The following TLR8 variants were observed in gnomAD, a reference collection of about 807,000 sequenced individuals.
TLR8 encodes the protein toll-like receptor 8.
In TLR8, 5 loss-of-function variants were observed where a neutral mutation model predicts 18.5. The ratio of observed to expected loss-of-function variants is 0.27; its 90% CI spans 0.14 to 0.57. The LOEUF is 0.57. Among genes scored for constraint, TLR8 ranks in the 20% least tolerant of loss-of-function variants. The pLI, the probability that TLR8 is intolerant of heterozygous loss-of-function variation, is 0.92. For missense variants in TLR8, 543 were observed against 769.8 expected, an observed-to-expected ratio of 0.71 and a Z score of 3.49; for synonymous variants, 299 against 300.1, an observed-to-expected ratio of 1.00 and a Z score of 0.04.
intron 1 of TLR8, among the ~76,000 whole-genome samples, chrX:12,910,829 T>C (rs2043016200): frequency 8.9e-6 from 1 of 112,488 alleles, no homozygotes; most frequent in African/African-American, 3.2e-5. Context: ...GCAGGTCATG[T>C]ACTGTGGACC....
Position 12,919,688 on chromosome X carries a change from G to A in TLR8, c.648G>A (p.Val216=). The change falls in exon 2 of 2, where the codon GTG becomes GTA. Residue 216 remains valine, a synonymous_variant. Coordinates refer to ENST00000218032, the MANE Select transcript of TLR8 (RefSeq NM_138636.5). The part of the protein sequence containing the change: ...LSLSFNSLSH[V]PPKLPSSLRK... Reference sequence around the variant, plus strand: ...TATCTTTCAATTCTCTTTCACACGTGCCACCCAAACTGCCAAGCTCCCTAC... The same window carrying A: ...TATCTTTCAATTCTCTTTCACACGTACCACCCAAACTGCCAAGCTCCCTAC... The A allele has an allele frequency of 8.3e-7, 1 of 1,210,748 alleles. No individual in the cohort carries two copies. Among genetic ancestry groups the A allele is most frequent in the Non-Finnish European group, 1.1e-6 (1 of 895,048 alleles).
rs759806873 is a variant in TLR8 at position 12,919,535 on chromosome X, C to T, written c.495C>T (p.Gly165=). 8.3e-7 allele frequency: 1 copy of T among 1,202,279 alleles called. No homozygotes were observed. The highest frequency in any genetic ancestry group is 3.0e-5 in the East Asian group (1 of 33,754). Residue 165 remains glycine (G), a synonymous_variant, in exon 2 of 2, where the codon GGC becomes GGT. Coordinates refer to ENST00000218032, the MANE Select transcript of TLR8 (RefSeq NM_138636.5). ...ATATATACAACATAACTAAAGAGGG[C>T]ATTTCAAGACTTATAAACTTGAAAA... ...QNNIYNITKE[G]ISRLINLKNL... is the part of the protein sequence containing the mutation.
intron 1 of TLR8, among the ~76,000 whole-genome samples, chrX:12,912,569 C>T (rs5744051): frequency 0.029 from 3,319 of 113,527 alleles, 108 homozygotes; most frequent in African/African-American, 0.1. Flanking sequence ...GGAGCAATGA[C>T]AGTCTCCCCA....
At chrX:12,908,312 G>A (rs1410155737) in intron 1 of TLR8, 3 of 110,212 alleles carry the variant, frequency 2.7e-5, no homozygotes, top group African/African-American at 9.9e-5. Flanking sequence ...TTGTACTCCA[G>A]CCTGGGCAAC....
At chrX:12,915,241 C>T (rs5744057) in intron 1 of TLR8, among the ~76,000 whole-genome samples, 19,561 of 110,962 alleles carry the variant, frequency 0.18, 1,287 homozygotes, top group Admixed American at 0.24. Flanking sequence ...TGGCTCACTG[C>T]AGCCTCCACC....
intron 1 of TLR8, among the ~76,000 whole-genome samples, chrX:12,910,889 T>C (rs954489046): frequency 8.9e-6 from 1 of 111,825 alleles, no homozygotes; most frequent in African/African-American, 3.3e-5. Context: ...GTTGTGAAAT[T>C]GCTTCCTCAT....
chrX:12,920,230 C>A lies in TLR8; in HGVS notation c.1190C>A (p.Ser397Ter). ...CCCCTGATGCAGCTTCCAAACTTAT[C>A]GACTATCAACTTGGGTATTAATTTT... The part of the protein sequence containing the change: ...FQPLMQLPNL[S>*]TINLGINFIK... The change falls in exon 2 of 2, where the codon TCG (serine) becomes TAG (stop). Residue 397 changes from serine (S) to a stop codon, truncating the protein, a stop_gained. Transcript: ENST00000218032. LOFTEE classifies it low-confidence loss of function (END_TRUNC). The A allele has an allele frequency of 1.7e-6, 2 of 1,206,484 alleles. No homozygotes were observed. Among genetic ancestry groups the A allele is most frequent in the Non-Finnish European group, 2.2e-6 (2 of 893,132 alleles).
At chrX:12,912,247 G>T (rs1330729396) in intron 1 of TLR8, among the ~76,000 whole-genome samples, 1 of 112,729 alleles carries the variant, frequency 8.9e-6, no homozygotes, top group Admixed American at 9.4e-5. Context: ...TGTAATGAGG[G>T]TGACTTCTCA....
intron 1 of TLR8, among the ~76,000 whole-genome samples, chrX:12,914,404 TG>T (rs1259342509): frequency 2.7e-5 from 3 of 111,819 alleles, no homozygotes; most frequent in Non-Finnish European, 5.6e-5. Flanking sequence ...TTCATTCCTC[TG>T]TCAGAACTCT....
chrX:12,913,292 A>G (rs775025279), intron 1 of TLR8, among the ~76,000 whole-genome samples: 2 of 111,691 alleles, frequency 1.8e-5, no homozygotes, highest in East Asian at 5.6e-4. Context: ...GCTCGATCTA[A>G]TCATAACAAA....
intron 1 of TLR8, among the ~76,000 whole-genome samples, chrX:12,910,769 CT>C (rs1319384084): frequency 8.9e-6 from 1 of 111,999 alleles, no homozygotes; most frequent in Non-Finnish European, 1.9e-5. Context: ...CTGAGAGAGG[CT>C]GTTGTTGTTG....
intron 1 of TLR8, among the ~76,000 whole-genome samples, chrX:12,914,288 A>T (rs913332630): frequency 1.8e-5 from 2 of 111,939 alleles, no homozygotes; most frequent in Admixed American, 1.9e-4. Context: ...TAGGAAAAAG[A>T]TGAGAAAATT....
chrX:12,920,897 C>G lies in TLR8; in HGVS notation c.1857C>G (p.Arg619=). ...TAGAATTAGTTTTCAGTGGCAATCG[C>G]CTTGACATTTTGTGGAATGATGATG... ...SLVELVFSGN[R]LDILWNDDDN... The change falls in exon 2 of 2, where the codon CGC becomes CGG. Residue 619 remains arginine (R), a synonymous_variant. Coordinates refer to ENST00000218032, the MANE Select transcript of TLR8 (RefSeq NM_138636.5). 2.5e-6 allele frequency: 3 copies of G among 1,210,563 alleles called. No individual in the cohort carries two copies. Among genetic ancestry groups the G allele is most frequent in the Non-Finnish European group, 3.4e-6 (3 of 894,641 alleles).
In TLR8 at chrX:12,906,656, C is replaced by T; in HGVS notation, c.-51C>T. 4 of 1,066,698 alleles carry T rather than the reference C, an allele frequency of 3.7e-6. No individual in the cohort carries two copies. The highest frequency in any genetic ancestry group is 4.9e-6 in the Non-Finnish European group (4 of 823,795). The allele number at this position is 1,066,698 out of a possible 1,213,427, so 87.9% of individuals were successfully genotyped here. ...TCGGCCACCTCCTGCATAGAGGGTA[C>T]CATTCTGCGCTGCTGCAAGTTACGG... On this transcript the variant is annotated 5_prime_UTR_variant, in exon 1 of 2. Transcript: ENST00000218032.
At chrX:12,916,718 T>G (rs1379977823) in intron 1 of TLR8, among the ~76,000 whole-genome samples, 3 of 112,372 alleles carry the variant, frequency 2.7e-5, no homozygotes, top group Non-Finnish European at 5.6e-5. Context: ...TTTCTGTAAG[T>G]TAGAATCTGG....
chrX:12,918,678 C>G (rs902997777), intron 1 of TLR8, among the ~76,000 whole-genome samples: 7 of 110,906 alleles, frequency 6.3e-5, no homozygotes, highest in African/African-American at 2.3e-4. Flanking sequence ...GGACTACAGG[C>G]ATGCACCACT....
chrX:12,912,261 G>C (rs5744050), intron 1 of TLR8, among the ~76,000 whole-genome samples: 1,477 of 112,848 alleles, frequency 0.013, 15 homozygotes, highest in African/African-American at 0.045. Flanking sequence ...CTTCTCATTA[G>C]TATCCTTCTC....
chrX:12,918,929 T>C, intron 1 of TLR8, 115 bp from the exon 2 acceptor site: 2 of 801,085 alleles, frequency 2.5e-6, no homozygotes, highest in Middle Eastern at 5.9e-4. Flanking sequence ...AATTGTTAAG[T>C]GAATGCACAC....
intron 1 of TLR8, chrX:12,910,263 A>G: frequency 9.3e-7 from 1 of 1,078,867 alleles, no homozygotes; most frequent in South Asian, 2.5e-5. Context: ...GAAGCAGCTA[A>G]GTAATTCAAC....
Sources: allele counts gnomAD v4.1 joint callset (sites outside exome capture counted in the v4.1 genomes callset), GRCh38; gene constraint gnomAD v4.1.1; transcripts MANE v1.5; gene names NCBI Gene and HGNC (gene_info 2026-07-23, HGNC 2026-07-21).